DOCK3: variants seen among roughly 807,000 people sequenced by gnomAD.
DOCK3 encodes dedicator of cytokinesis protein 3.
A neutral mutation model predicts 265.6 loss-of-function variants in DOCK3; 60 were observed. The ratio of observed to expected loss-of-function variants is 0.23; its 90% confidence interval spans 0.18 to 0.28. The LOEUF is 0.28. Among genes scored for constraint, DOCK3 ranks in the 10% least tolerant of loss-of-function variants. The probability of loss-of-function intolerance (pLI) is 1.00; values close to 1 mark genes in which losing one functional copy is unlikely to be tolerated. For synonymous variants in DOCK3, 881 were observed against 938.0 expected (o/e 0.94, Z 1.11); for missense variants, 1,981 against 2,594.3 (o/e 0.76, Z 5.14).
intron 2 of DOCK3, among the ~76,000 whole-genome samples, chr3:50,839,030 C>G (rs1215762024): frequency 6.6e-6 from 1 of 152,154 alleles, no homozygotes; most frequent in Non-Finnish European, 1.5e-5. Flanking sequence ...ATTGTCAGGG[C>G]TGGGGCAAGA....
chr3:51,178,391 A>AC (rs1480492916), intron 12 of DOCK3, among the ~76,000 whole-genome samples: 1 of 152,222 alleles, frequency 6.6e-6, no homozygotes, highest in Non-Finnish European at 1.5e-5. Flanking sequence ...CCCTAACAGG[A>AC]CCAGCCCCTG....
chr3:51,061,576 G>A (rs536388933), intron 5 of DOCK3, among the ~76,000 whole-genome samples: 3 of 151,970 alleles, frequency 2.0e-5, no homozygotes, highest in Non-Finnish European at 4.4e-5. Context: ...GTGGGGAGAG[G>A]GGGGAGGGAT....
At chr3:51,371,645 T>C (rs1483980344) in intron 49 of DOCK3, among the ~76,000 whole-genome samples, 2 of 152,246 alleles carry the variant, frequency 1.3e-5, no homozygotes, top group African/African-American at 4.8e-5. Flanking sequence ...GGGAAAGCTT[T>C]CGTAAAGGTG....
chr3:50,945,422 A>G (rs2108271207), intron 5 of DOCK3, among the ~76,000 whole-genome samples: 1 of 152,318 alleles, frequency 6.6e-6, no homozygotes, highest in African/African-American at 2.4e-5. Flanking sequence ...ACACTCTACT[A>G]GGGCATAGTT....
chr3:51,024,200 T>C (rs926213893), intron 5 of DOCK3, among the ~76,000 whole-genome samples: 17 of 152,336 alleles, frequency 1.1e-4, no homozygotes, highest in African/African-American at 3.1e-4. Flanking sequence ...ATGGTTGTAA[T>C]AGTTATTATG....
chr3:51,293,208 T>G (rs893570956), intron 27 of DOCK3, among the ~76,000 whole-genome samples: 4 of 152,074 alleles, frequency 2.6e-5, no homozygotes. Context: ...GAGGCATCAC[T>G]CTACCATATT....
In DOCK3 at chr3:51,361,253, T is replaced by C. The variant is rs2086713200; in HGVS notation, c.5007-606T>C. 6.6e-6 allele frequency among the ~76,000 whole-genome samples: 1 copy of C among 152,212 alleles called. No individual in the cohort carries two copies. On this transcript the variant is annotated intron_variant, in intron 47 of 52. Transcript: ENST00000266037. The surrounding 1 kb of genome is among the most constrained non-coding windows in gnomAD (Gnocchi z 4.2). Reference sequence around the variant, plus strand: ...AGTGAGAGGAGCCCCTCACTTAGGCTTGTTTTCCAGTGTGAGCAGCAGCTC... The same window carrying C: ...AGTGAGAGGAGCCCCTCACTTAGGCCTGTTTTCCAGTGTGAGCAGCAGCTC...
At chr3:51,039,156 C>T (rs944645712) in intron 5 of DOCK3, among the ~76,000 whole-genome samples, 6 of 151,852 alleles carry the variant, frequency 4.0e-5, no homozygotes, top group Middle Eastern at 3.2e-3. Context: ...CCACCACACC[C>T]GGCTAATTTT....
chr3:51,226,374 T>G (rs990326342), intron 15 of DOCK3, among the ~76,000 whole-genome samples: 19 of 152,210 alleles, frequency 1.2e-4, no homozygotes, highest in Non-Finnish European at 8.8e-5. Flanking sequence ...AAGGCATCAT[T>G]TGCAGCCCAC....
At chr3:51,248,828 A>C (rs2078980455) in intron 22 of DOCK3, among the ~76,000 whole-genome samples, 1 of 136,266 alleles carries the variant, frequency 7.3e-6, no homozygotes, top group African/African-American at 2.9e-5. Flanking sequence ...GGATGTGGAG[A>C]GCACCTCTGC....
At chr3:50,723,811 C>T (rs754304835) in intron 1 of DOCK3, among the ~76,000 whole-genome samples, 1 of 152,082 alleles carries the variant, frequency 6.6e-6, no homozygotes, top group Non-Finnish European at 1.5e-5. Flanking sequence ...ACTAAAACAC[C>T]AAAAGCAATG....
intron 4 of DOCK3, among the ~76,000 whole-genome samples, chr3:50,905,002 C>T (rs1444493505): frequency 4.6e-5 from 7 of 152,074 alleles, no homozygotes; most frequent in Admixed American, 2.0e-4. Flanking sequence ...TTCCCAGAAC[C>T]GTTTGTTAAA....
At chr3:50,812,797 ATCTGGGCATCC>A (rs2043842262) in intron 2 of DOCK3, among the ~76,000 whole-genome samples, 1 of 152,238 alleles carries the variant, frequency 6.6e-6, no homozygotes, top group African/African-American at 2.4e-5. Flanking sequence ...TTAATCAAAT[ATCTGGGCATCC>A]TGTGGCCCCA....
intron 9 of DOCK3, among the ~76,000 whole-genome samples, chr3:51,129,915 C>A (rs1037414072): frequency 3.3e-5 from 5 of 152,208 alleles, no homozygotes; most frequent in Non-Finnish European, 5.9e-5. Flanking sequence ...CCACTCAAAA[C>A]GGTCAGGTCA....
At chr3:51,247,081 C>CT (rs1231188325) in intron 22 of DOCK3, among the ~76,000 whole-genome samples, 1 of 152,182 alleles carries the variant, frequency 6.6e-6, no homozygotes, top group Non-Finnish European at 1.5e-5. Flanking sequence ...AGTATCAGTC[C>CT]TTTCTACCAC....
At chr3:50,703,046 C>G (rs971794617) in intron 1 of DOCK3, among the ~76,000 whole-genome samples, 1 of 152,160 alleles carries the variant, frequency 6.6e-6, no homozygotes, top group Non-Finnish European at 1.5e-5. Flanking sequence ...GAGTTTCTAT[C>G]ATGAAGGATG....
At chr3:51,323,956 C>T (rs2083912986) in intron 32 of DOCK3, among the ~76,000 whole-genome samples, 1 of 152,144 alleles carries the variant, frequency 6.6e-6, no homozygotes, top group Non-Finnish European at 1.5e-5. Context: ...GACAAACCCA[C>T]AGCCAGTATC....
chr3:50,892,253 T>A (rs1249531525), intron 4 of DOCK3, among the ~76,000 whole-genome samples: 3 of 152,034 alleles, frequency 2.0e-5, no homozygotes, highest in Non-Finnish European at 4.4e-5. Flanking sequence ...TGTAGTGGAA[T>A]AGAGCCCAAC....
At chr3:51,007,942 T>C (rs2078755957) in intron 5 of DOCK3, among the ~76,000 whole-genome samples, 1 of 152,114 alleles carries the variant, frequency 6.6e-6, no homozygotes, top group Non-Finnish European at 1.5e-5. Context: ...AGATGTGTGG[T>C]GTTATTTCTG....
Sources: allele counts gnomAD v4.1 joint callset (sites outside exome capture counted in the v4.1 genomes callset), GRCh38; gene constraint gnomAD v4.1.1; non-coding constraint Gnocchi (gnomAD v3.1); transcripts MANE v1.5; gene names NCBI Gene and HGNC (gene_info 2026-07-23, HGNC 2026-07-21).